GALNT2: variants seen among roughly 807,000 people sequenced by gnomAD.
GALNT2 encodes UDP-GalNAc:polypeptide N-acetylgalactosaminyltransferase 2.
A neutral mutation model predicts 81.4 loss-of-function variants in GALNT2; 31 were observed. The observed-to-expected ratio is 0.38, with a 90% CI of 0.29 to 0.51. GALNT2 has a LOEUF of 0.51. Among genes scored for constraint, GALNT2 ranks in the 20% least tolerant of loss-of-function variants. GALNT2 has a pLI of 0.87. For synonymous variants in GALNT2, 303 were observed against 287.4 expected, an observed-to-expected ratio of 1.05 and a Z score of -0.55; for missense variants, 629 against 765.7, an observed-to-expected ratio of 0.82 and a Z score of 2.11.
intron 2 of GALNT2, among the ~76,000 whole-genome samples, chr1:230,179,375 T>C (rs1663087602): frequency 6.6e-6 from 1 of 152,222 alleles, no homozygotes; most frequent in South Asian, 2.1e-4. Context: ...AAGAAACTGC[T>C]AAGTTGTTTT....
intron 1 of GALNT2, among the ~76,000 whole-genome samples, chr1:230,145,723 A>G (rs1661895350): frequency 6.6e-6 from 1 of 152,156 alleles, no homozygotes; most frequent in African/African-American, 2.4e-5. Flanking sequence ...ACGTCAGGCA[A>G]GCCCAGACGT....
chr1:230,096,160 C>A (rs1438070587), intron 1 of GALNT2, among the ~76,000 whole-genome samples: 2 of 152,174 alleles, frequency 1.3e-5, no homozygotes, highest in Admixed American at 6.5e-5. Flanking sequence ...TGAGAGGACG[C>A]ATACCTCAGC....
At chr1:230,188,877 G>C (rs182889272) in intron 2 of GALNT2, among the ~76,000 whole-genome samples, 25 of 152,016 alleles carry the variant, frequency 1.6e-4, no homozygotes, top group Admixed American at 1.5e-3. Context: ...TTTTCCCCTT[G>C]GTGTGGAAAA....
intron 1 of GALNT2, among the ~76,000 whole-genome samples, chr1:230,100,008 G>A (rs549824645): frequency 2.6e-5 from 4 of 152,260 alleles, no homozygotes; most frequent in Non-Finnish European, 4.4e-5. Flanking sequence ...GCTCCTTTAG[G>A]GCAAGGGCCA....
chr1:230,274,888 G>A (rs1666243762), intron 15 of GALNT2, among the ~76,000 whole-genome samples: 1 of 151,792 alleles, frequency 6.6e-6, no homozygotes, highest in African/African-American at 2.4e-5. Flanking sequence ...TCACATGGAT[G>A]GTACTCGATA....
At chr1:230,227,257 G>C (rs1011521590) in intron 3 of GALNT2, among the ~76,000 whole-genome samples, 76 of 151,952 alleles carry the variant, frequency 5.0e-4, no homozygotes, top group African/African-American at 1.7e-3. Flanking sequence ...AGCTCAAATG[G>C]GTTTGCGTAA....
At chr1:230,134,118 T>TTG (rs200468635) in intron 1 of GALNT2, among the ~76,000 whole-genome samples, 7,347 of 148,680 alleles carry the variant, frequency 0.049, 284 homozygotes, top group South Asian at 0.12. Flanking sequence ...ATCTGTTTTT[T>TTG]TTTTTTTTTT....
At chr1:230,126,872 G>A (rs747038358) in intron 1 of GALNT2, among the ~76,000 whole-genome samples, 33 of 152,274 alleles carry the variant, frequency 2.2e-4, no homozygotes, top group Non-Finnish European at 3.8e-4. Flanking sequence ...TGGCCAGGAC[G>A]ATAGTCCCCT....
At chr1:230,224,993 C>A (rs369614662) in intron 3 of GALNT2, among the ~76,000 whole-genome samples, 1 of 152,206 alleles carries the variant, frequency 6.6e-6, no homozygotes, top group African/African-American at 2.4e-5. Context: ...TTCAAATCTC[C>A]TGTTGACCAG....
chr1:230,153,953 A>G (rs1290872861), intron 1 of GALNT2, among the ~76,000 whole-genome samples: 1 of 152,232 alleles, frequency 6.6e-6, no homozygotes, highest in Non-Finnish European at 1.5e-5. Context: ...ATGCAGATTT[A>G]TCGTGTGGGT....
chr1:230,249,053 T>A, intron 8 of GALNT2, 131 bp from the exon 9 acceptor site: 1 of 858,418 alleles, frequency 1.2e-6, no homozygotes. Context: ...CACACCTTCT[T>A]TTTTGGCTTT....
At chr1:230,132,073 T>C (rs1186714134) in intron 1 of GALNT2, among the ~76,000 whole-genome samples, 2 of 148,454 alleles carry the variant, frequency 1.3e-5, no homozygotes, top group African/African-American at 2.5e-5. Context: ...GGTGCCTTTT[T>C]CCTCTTCTTC....
At chr1:230,216,893 C>T (rs185138349) in intron 3 of GALNT2, among the ~76,000 whole-genome samples, 2 of 152,094 alleles carry the variant, frequency 1.3e-5, no homozygotes, top group Non-Finnish European at 2.9e-5. Flanking sequence ...AAAATCCACA[C>T]CTCTTTGGAA....
At chr1:230,221,744 T>TTTTAAAATTC (rs1205629011) in intron 3 of GALNT2, among the ~76,000 whole-genome samples, 1 of 152,180 alleles carries the variant, frequency 6.6e-6, no homozygotes, top group East Asian at 1.9e-4. Context: ...TTTGATAACC[T>TTTTAAAATTC]TTTAAAATTC....
chr1:230,265,075 G>A (rs866859618), intron 13 of GALNT2, 166 bp from the exon 14 acceptor site: 10 of 735,512 alleles, frequency 1.4e-5, no homozygotes, highest in Middle Eastern at 7.2e-4. Flanking sequence ...GAGAAATGCC[G>A]TGTCCCTGAC....
At chr1:230,187,878 G>A (rs772356991) in intron 2 of GALNT2, among the ~76,000 whole-genome samples, 1 of 151,376 alleles carries the variant, frequency 6.6e-6, no homozygotes, top group Non-Finnish European at 1.5e-5. Flanking sequence ...CCAACATCCG[G>A]CTGTTTCTTC....
intron 10 of GALNT2, among the ~76,000 whole-genome samples, chr1:230,253,243 G>C (rs3761944): frequency 0.47 from 72,036 of 151,966 alleles, 17,762 homozygotes; most frequent in East Asian, 0.74. Flanking sequence ...TTTTCTATTA[G>C]TACAAGAGAG....
intron 1 of GALNT2, among the ~76,000 whole-genome samples, chr1:230,133,390 A>G (rs1338706262): frequency 6.6e-6 from 1 of 152,060 alleles, no homozygotes; most frequent in Non-Finnish European, 1.5e-5. Context: ...ATATTTGCAA[A>G]TAAAATCTTT....
chr1:230,278,433 G>C (rs1248984677), intron 15 of GALNT2, among the ~76,000 whole-genome samples: 4 of 152,060 alleles, frequency 2.6e-5, no homozygotes, highest in Non-Finnish European at 2.9e-5. Flanking sequence ...GGCTGAAAGG[G>C]GTATTTATGT....
Sources: gnomAD v4.1 joint callset for allele counts (sites outside exome capture counted in the v4.1 genomes callset) on GRCh38, gnomAD v4.1.1 for gene constraint, MANE v1.5 for transcripts, NCBI Gene and HGNC (gene_info 2026-07-23, HGNC 2026-07-21) for gene names.